The following KLRG1 variants were observed in gnomAD, a reference collection of about 807,000 sequenced individuals.
KLRG1 encodes the protein killer cell lectin-like receptor subfamily G member 1.
A neutral mutation model predicts 21.8 loss-of-function variants in KLRG1; 16 were observed. The ratio of observed to expected loss-of-function variants is 0.73; its 90% CI spans 0.50 to 1.11. The LOEUF is 1.11. Ranked by LOEUF, KLRG1 falls within the 50% of genes most tolerant of loss-of-function variation. KLRG1 has a pLI of 0.00. For synonymous variants in KLRG1, 69 were observed against 75.9 expected (o/e 0.91, Z 0.47); for missense variants, 173 against 218.3 (o/e 0.79, Z 1.31).
the KLRG1 span, among the ~76,000 whole-genome samples, chr12:9,092,572 C>T: frequency 9.2e-5 from 14 of 152,348 alleles, no homozygotes; most frequent in African/African-American, 3.4e-4. Flanking sequence ...CATTCCGGCT[C>T]TTTCTCTCCA....
the KLRG1 span, chr12:9,093,564 C>T: frequency 1.3e-6 from 2 of 1,599,756 alleles, no homozygotes; most frequent in Non-Finnish European, 8.5e-7. Flanking sequence ...ATGGCCTCTT[C>T]CCATTACATC....
the KLRG1 span, among the ~76,000 whole-genome samples, chr12:9,130,574 T>TGAGCATTTTTTCATATACC: frequency 3.3e-4 from 50 of 152,194 alleles, no homozygotes; most frequent in Non-Finnish European, 6.5e-4. Flanking sequence ...TTTTCAATGT[T>TGAGCATTTTTTCATATACC]TATTAGCCAT....
chr12:9,080,144 AG>A, the KLRG1 span: 1 of 1,588,568 alleles, frequency 6.3e-7, no homozygotes, highest in Non-Finnish European at 8.6e-7. Context: ...ATTTGGTGGC[AG>A]TTTCAGGGAT....
the KLRG1 span, among the ~76,000 whole-genome samples, chr12:9,059,516 A>G: frequency 6.6e-6 from 1 of 152,316 alleles, no homozygotes. Context: ...GTTTCAATGG[A>G]TAAAACCAGA....
the KLRG1 span, among the ~76,000 whole-genome samples, chr12:9,060,810 T>A: frequency 6.6e-6 from 1 of 152,244 alleles, no homozygotes; most frequent in Non-Finnish European, 1.5e-5. Context: ...ATAACTTATA[T>A]GTTTTGGATT....
the KLRG1 span, among the ~76,000 whole-genome samples, chr12:9,026,447 T>G: frequency 6.6e-6 from 1 of 152,168 alleles, no homozygotes; most frequent in African/African-American, 2.4e-5. Flanking sequence ...CAGATGAGGG[T>G]ACTAGTCCTA....
chr12:9,021,200 T>A, the KLRG1 span, among the ~76,000 whole-genome samples: 1 of 152,168 alleles, frequency 6.6e-6, no homozygotes, highest in Non-Finnish European at 1.5e-5. Flanking sequence ...TTACCATGAA[T>A]GGAACTTGCA....
At chr12:9,153,318 AG>A in the KLRG1 span, 1 of 1,613,782 alleles carries the variant, frequency 6.2e-7, no homozygotes, top group Non-Finnish European at 8.5e-7. Flanking sequence ...ATACCTGGAC[AG>A]GGCATGGAGA....
the KLRG1 span, among the ~76,000 whole-genome samples, chr12:9,047,218 T>C: frequency 1.3e-5 from 2 of 152,200 alleles, no homozygotes; most frequent in African/African-American, 4.8e-5. Flanking sequence ...AGCAACAAAA[T>C]ATTATTAGTA....
the KLRG1 span, among the ~76,000 whole-genome samples, chr12:9,105,516 A>T: frequency 2.9e-4 from 44 of 152,308 alleles, 1 homozygote; most frequent in South Asian, 8.5e-3. Flanking sequence ...TAACATTTAC[A>T]TTAAGAAAAT....
the KLRG1 span, among the ~76,000 whole-genome samples, chr12:9,144,800 T>C: frequency 1.3e-5 from 2 of 152,164 alleles, no homozygotes; most frequent in African/African-American, 2.4e-5. Context: ...GGAGGTTATC[T>C]TGGGGCAGGC....
the KLRG1 span, among the ~76,000 whole-genome samples, chr12:9,081,205 A>C: frequency 1.6e-4 from 25 of 152,328 alleles, no homozygotes; most frequent in African/African-American, 6.0e-4. Context: ...AAAGATTATA[A>C]AGGCAATTAA....
At chr12:8,975,754 G>C (rs896264691) in intron 1 of KLRG1, among the ~76,000 whole-genome samples, 2 of 152,044 alleles carry the variant, frequency 1.3e-5, no homozygotes, top group Non-Finnish European at 2.9e-5. Flanking sequence ...TAGAGACGAG[G>C]TTTTGCCATG....
At chr12:9,166,529 T>G in the KLRG1 span, among the ~76,000 whole-genome samples, 3 of 152,226 alleles carry the variant, frequency 2.0e-5, no homozygotes, top group Admixed American at 2.0e-4. Flanking sequence ...TGCTTCATTC[T>G]TAGAGAAACT....
the KLRG1 span, among the ~76,000 whole-genome samples, chr12:9,122,344 C>G: frequency 2.6e-5 from 4 of 152,190 alleles, no homozygotes; most frequent in South Asian, 8.3e-4. Context: ...CCTTTGTTCA[C>G]TGTAGTGCTC....
At chr12:9,028,146 CTTCTTTT>C in the KLRG1 span, 8 of 503,480 alleles carry the variant, frequency 1.6e-5, no homozygotes, top group South Asian at 6.6e-5. Flanking sequence ...TCGTCGTCTT[CTTCTTTT>C]TTTTTTTTTT....
At chr12:8,969,593 G>C (rs374711664) in intron 1 of KLRG1, among the ~76,000 whole-genome samples, 11 of 151,944 alleles carry the variant, frequency 7.2e-5, no homozygotes, top group Non-Finnish European at 1.0e-4. Flanking sequence ...GAGAGGAAGA[G>C]GAGGAAATTA....
the KLRG1 span, among the ~76,000 whole-genome samples, chr12:9,069,397 G>T: frequency 6.6e-6 from 1 of 152,008 alleles, no homozygotes; most frequent in African/African-American, 2.4e-5. Flanking sequence ...TCATATTGTT[G>T]TTGAGTATGT....
the KLRG1 span, among the ~76,000 whole-genome samples, chr12:9,110,885 A>G: frequency 6.6e-6 from 1 of 152,182 alleles, no homozygotes; most frequent in African/African-American, 2.4e-5. Flanking sequence ...ATATACATGT[A>G]AAGTGCCATT....
Sources: allele counts gnomAD v4.1 joint callset (sites outside exome capture counted in the v4.1 genomes callset), GRCh38; gene constraint gnomAD v4.1.1; transcripts MANE v1.5; gene names NCBI Gene and HGNC (gene_info 2026-07-23, HGNC 2026-07-21).